The following CENPA variants were observed in gnomAD, a reference collection of about 807,000 sequenced individuals.
CENPA encodes the protein centromere protein A.
Under a neutral mutation model 17.2 loss-of-function variants are expected in CENPA, and 7 were observed. The observed-to-expected ratio is 0.41, with a 90% CI of 0.23 to 0.76. CENPA has a LOEUF of 0.76. Among genes scored for constraint, CENPA ranks in the 30% least tolerant of loss-of-function variants. The probability of loss-of-function intolerance (pLI) is 0.34; values close to 1 mark genes in which losing one functional copy is unlikely to be tolerated. For synonymous variants in CENPA, 82 were observed against 77.4 expected (o/e 1.06, Z -0.31); for missense variants, 149 against 193.1 (o/e 0.77, Z 1.35).
At chr2:26,793,092 A>C (rs1009912223) in intron 3 of CENPA, 53 bp from the exon 4 acceptor site, 11 of 1,602,572 alleles carry the variant, frequency 6.9e-6, no homozygotes, top group Admixed American at 1.7e-5. Flanking sequence ...TTCCAAAAAA[A>C]AGCAGCCCGT....
Position 26,794,072 on chromosome 2 carries a change from T to G in CENPA, c.*308T>G, listed in dbSNP as rs1385623470. The stretch of plus-strand genomic sequence containing the variant: ...AGTTTGTGAGTTACTCATGTGACTA[T>G]TTGAGGATTTTGAAAACATCAGATT... On this transcript the variant is annotated 3_prime_UTR_variant, in exon 5 of 5. Transcript: ENST00000335756. 1 of 152,270 alleles carries G rather than the reference T, an allele frequency of 6.6e-6. No homozygotes were observed. The highest frequency in any genetic ancestry group is 2.4e-5 in the African/African-American group (1 of 41,470). 9.4% of individuals were successfully genotyped at this position (152,270 alleles called of 1,614,324 possible).
At chr2:26,787,640 C>G (rs1327608299) in intron 1 of CENPA, among the ~76,000 whole-genome samples, 1 of 152,038 alleles carries the variant, frequency 6.6e-6, no homozygotes, top group East Asian at 1.9e-4. Context: ...CTCAGCCTCC[C>G]GAGTAGCTGG....
At chr2:26,792,456 A>G in intron 2 of CENPA, 1 of 709,970 alleles carries the variant, frequency 1.4e-6, no homozygotes, top group Non-Finnish European at 2.6e-6. Flanking sequence ...TTAAAACTGT[A>G]GTTTTTGACT....
chr2:26,792,647 A>T (rs1377433300), intron 2 of CENPA, 109 bp from the exon 3 acceptor site: 3 of 1,008,644 alleles, frequency 3.0e-6, no homozygotes, highest in Non-Finnish European at 4.7e-6. Flanking sequence ...GCCAGGAAAA[A>T]ATAATGGAAA....
intron 1 of CENPA, among the ~76,000 whole-genome samples, chr2:26,790,594 G>A (rs1664597501): frequency 6.6e-6 from 1 of 152,316 alleles, no homozygotes; most frequent in Non-Finnish European, 1.5e-5. Context: ...CCAAAGTGCT[G>A]GGATTACAGG....
intron 1 of CENPA, among the ~76,000 whole-genome samples, chr2:26,790,907 A>T (rs887869343): frequency 6.6e-6 from 1 of 152,204 alleles, no homozygotes; most frequent in East Asian, 1.9e-4. Context: ...TTATTGTATT[A>T]AATGCCTTCT....
chr2:26,793,416 C>T, intron 4 of CENPA, 90 bp downstream of exon 4: 1 of 1,155,870 alleles, frequency 8.7e-7, no homozygotes, highest in South Asian at 1.5e-5. Flanking sequence ...CTCGCCTTCC[C>T]TTTGTTCTCT....
intron 1 of CENPA, among the ~76,000 whole-genome samples, chr2:26,791,913 TAGC>T (rs914149139): frequency 3.5e-4 from 54 of 152,348 alleles, no homozygotes; most frequent in African/African-American, 1.2e-3. Flanking sequence ...TTGCTGAAGA[TAGC>T]AGCAAAATTA....
chr2:26,787,179 T>TGGCCCA (rs1664522445), intron 1 of CENPA, among the ~76,000 whole-genome samples: 1 of 152,234 alleles, frequency 6.6e-6, no homozygotes, highest in Non-Finnish European at 1.5e-5. Flanking sequence ...GTGCTGGGAT[T>TGGCCCA]GCAGGCATGA....
intron 1 of CENPA, among the ~76,000 whole-genome samples, chr2:26,787,039 T>A (rs1664520230): frequency 6.6e-6 from 1 of 152,200 alleles, no homozygotes; most frequent in Non-Finnish European, 1.5e-5. Flanking sequence ...TACGTAGCTA[T>A]GAGGAAGATG....
chr2:26,792,654 G>C, intron 2 of CENPA, 102 bp from the exon 3 acceptor site: 1 of 1,043,696 alleles, frequency 9.6e-7, no homozygotes, highest in Non-Finnish European at 1.5e-6. Flanking sequence ...AAAAATAATG[G>C]AAAGGAAGAT....
Position 26,793,201 on chromosome 2 carries a change from T to G in CENPA, c.345T>G (p.His115Gln). 1 of 1,614,176 alleles carries G rather than the reference T, an allele frequency of 6.2e-7. No homozygotes were observed. The highest frequency in any genetic ancestry group is 8.5e-7 in the Non-Finnish European group (1 of 1,180,028). Residue 115 changes from histidine (H) to glutamine (Q), a missense_variant, in exon 4 of 5, where the codon CAT (histidine) becomes CAG (glutamine). By Grantham distance (24) the His-to-Gln change is conservative (BLOSUM62 0). Transcript: ENST00000335756. ...AGGACGCCTATCTCCTCACCTTACA[T>G]GCAGGCCGAGTTACTCTCTTCCCAA... ...LFEDAYLLTL[H>Q]AGRVTLFPKD... is the part of the protein sequence containing the mutation.
chr2:26,793,051 T>G (rs549747003), intron 3 of CENPA, 94 bp from the exon 4 acceptor site: 4 of 1,519,682 alleles, frequency 2.6e-6, no homozygotes, highest in South Asian at 1.2e-5. Context: ...CCTACAATCC[T>G]TTGAGCCCTC....
chr2:26,790,849 C>A (rs1664603129), intron 1 of CENPA, among the ~76,000 whole-genome samples: 1 of 152,264 alleles, frequency 6.6e-6, no homozygotes, highest in Admixed American at 6.5e-5. Flanking sequence ...TGGATTGTCT[C>A]ACCTACCCTA....
Position 26,792,220 on chromosome 2 carries a change from A to C in CENPA, c.190A>C (p.Lys64Gln). 1 of 1,613,658 alleles carries C rather than the reference A, an allele frequency of 6.2e-7. No homozygotes were observed. Among genetic ancestry groups the C allele is most frequent in the Non-Finnish European group, 8.5e-7 (1 of 1,179,820 alleles). ...LQKSTHLLIRKLPFSRLAREI... is the reference protein window; with the variant it reads ...LQKSTHLLIRQLPFSRLAREI... ...GAAGAGCACACACCTCTTGATAAGGAAGCTGCCCTTCAGCCGCCTGGTAAG... is the reference window on the plus strand; with the variant it reads ...GAAGAGCACACACCTCTTGATAAGGCAGCTGCCCTTCAGCCGCCTGGTAAG... The change falls in exon 2 of 5, where the codon AAG becomes CAG. Residue 64 changes from lysine (K) to glutamine (Q), a missense_variant. Transcript: ENST00000335756.
Position 26,793,166 on chromosome 2 carries a change from C to T in CENPA, c.310C>T (p.His104Tyr). Reference sequence around the variant, plus strand: ...CCAGGCAGCAGAAGCATTTCTAGTTCATCTCTTTGAGGACGCCTATCTCCT... The same window carrying T: ...CCAGGCAGCAGAAGCATTTCTAGTTTATCTCTTTGAGGACGCCTATCTCCT... ...LQEAAEAFLV[H>Y]LFEDAYLLTL... Residue 104 changes from histidine (H) to tyrosine (Y), a missense_variant, in exon 4 of 5, where the codon CAT (histidine) becomes TAT (tyrosine). Around this residue, in one of 2 missense-constraint regions of CENPA, gnomAD observed 54 missense variants for 105.7 expected, o/e 0.51. Coordinates refer to ENST00000335756, the MANE Select transcript of CENPA (RefSeq NM_001809.4). 6.2e-7 allele frequency: 1 copy of T among 1,614,148 alleles called. No homozygotes were observed. Among genetic ancestry groups the T allele is most frequent in the Non-Finnish European group, 8.5e-7 (1 of 1,180,024 alleles).
chr2:26,792,249 C>T lies in CENPA; in HGVS notation c.210+9C>T, dbSNP rs371483224. 6.4e-5 allele frequency: 103 copies of T among 1,608,428 alleles called. No homozygotes were observed. Among genetic ancestry groups the T allele is most frequent in the Middle Eastern group, 1.7e-4 (1 of 6,052 alleles). On this transcript the variant is annotated intron_variant, in intron 2 of 4. Transcript: ENST00000335756. ...TGCCCTTCAGCCGCCTGGTAAGCTC[C>T]GGGAGCTTCCCACCAACCCCTATGC...
chr2:26,787,365 A>ATG (rs1486688115), intron 1 of CENPA, among the ~76,000 whole-genome samples: 7 of 140,032 alleles, frequency 5.0e-5, no homozygotes, highest in South Asian at 4.7e-4. Context: ...ACAGGCGCCT[A>ATG]CCACCACGCC....
Position 26,792,143 on chromosome 2 carries a change from A to G in CENPA, c.113A>G (p.His38Arg), listed in dbSNP as rs1664629936. The G allele has an allele frequency of 4.3e-6, 7 of 1,613,768 alleles. No homozygotes were observed. Among genetic ancestry groups the G allele is most frequent in the Admixed American group, 3.3e-5 (2 of 59,944 alleles). Residue 38 changes from histidine (H) to arginine (R), a missense_variant, in exon 2 of 5, where the codon CAT becomes CGT. Around this residue, in one of 2 missense-constraint regions of CENPA, gnomAD observed 95 missense variants for 87.5 expected, o/e 1.09. Coordinates refer to ENST00000335756, the MANE Select transcript of CENPA (RefSeq NM_001809.4). ...RRGPSLGASS[H>R]QHSRRRQGWL... The stretch of plus-strand genomic sequence containing the variant: ...TTCTTTTGCTCAGGCGCTTCCTCCC[A>G]TCAACACAGTCGGCGGAGACAAGGT...
Sources: gnomAD v4.1 joint callset for allele counts (sites outside exome capture counted in the v4.1 genomes callset) on GRCh38, gnomAD v4.1.1 for gene constraint, gnomAD v4.1.1 regional missense constraint, MANE v1.5 for transcripts, NCBI Gene and HGNC (gene_info 2026-07-23, HGNC 2026-07-21) for gene names.